The following RARB variants were observed in gnomAD, a reference collection of about 807,000 sequenced individuals.
RARB encodes retinoic acid receptor beta.
A neutral mutation model predicts 51.9 loss-of-function variants in RARB; 17 were observed. That is an observed-to-expected ratio of 0.33 (90% CI 0.22 to 0.49). The LOEUF (loss-of-function observed/expected upper bound fraction) is 0.49, where lower values mean the gene tolerates loss of function less well. Ranked by LOEUF, RARB falls within the 20% of genes least tolerant of loss-of-function variation. The pLI is 0.99. For synonymous variants in RARB, 215 were observed against 195.4 expected (o/e 1.10, Z -0.84); for missense variants, 369 against 550.8 (o/e 0.67, Z 3.30).
intron 2 of RARB, among the ~76,000 whole-genome samples, chr3:25,044,963 C>G (rs1177356318): frequency 6.6e-6 from 1 of 152,142 alleles, no homozygotes; most frequent in Non-Finnish European, 1.5e-5. Flanking sequence ...AATCATGAAC[C>G]TTACAATCAA....
intron 2 of RARB, among the ~76,000 whole-genome samples, chr3:25,027,793 G>A (rs914567347): frequency 2.0e-5 from 3 of 152,112 alleles, no homozygotes; most frequent in Non-Finnish European, 4.4e-5. Context: ...AGACTCAGGC[G>A]GCCCCAGAGG....
At chr3:25,459,490 AGGCGAGTGAAACAGAT>A (rs1695066920) in intron 1 of RARB, among the ~76,000 whole-genome samples, 2 of 152,244 alleles carry the variant, frequency 1.3e-5, no homozygotes, top group African/African-American at 4.8e-5. Context: ...GGCTTTAGAT[AGGCGAGTGAAACAGAT>A]GGATTTTAAC....
intron 2 of RARB, among the ~76,000 whole-genome samples, chr3:24,888,862 T>G (rs1703317229): frequency 6.6e-6 from 1 of 152,196 alleles, no homozygotes; most frequent in African/African-American, 2.4e-5. Flanking sequence ...CAAAGAGATT[T>G]TGCCTCAGGC....
chr3:25,334,081 G>T (rs892673499), intron 5 of RARB, among the ~76,000 whole-genome samples: 1 of 152,168 alleles, frequency 6.6e-6, no homozygotes, highest in East Asian at 1.9e-4. Context: ...CTGTTGGTGG[G>T]ACTGTAAACT....
chr3:25,164,196 A>AGGGGT, intron 4 of RARB, among the ~76,000 whole-genome samples: 1 of 152,298 alleles, frequency 6.6e-6, no homozygotes, highest in East Asian at 1.9e-4. Context: ...AGAAGGTAGT[A>AGGGGT]GGGGTGGGTG....
intron 3 of RARB, among the ~76,000 whole-genome samples, chr3:25,084,716 C>G (rs1699074172): frequency 6.6e-6 from 1 of 150,450 alleles, no homozygotes; most frequent in Non-Finnish European, 1.5e-5. Flanking sequence ...TGCATTTTTC[C>G]TTTTTTATAT....
intron 2 of RARB, among the ~76,000 whole-genome samples, chr3:24,925,636 A>G (rs1695303992): frequency 7.9e-6 from 1 of 126,012 alleles, no homozygotes; most frequent in African/African-American, 3.2e-5. Flanking sequence ...ACAGAGCCAG[A>G]TCCTGTCTTT....
chr3:25,302,827 A>C (rs1704072779), intron 5 of RARB, among the ~76,000 whole-genome samples: 1 of 152,236 alleles, frequency 6.6e-6, no homozygotes, highest in African/African-American at 2.4e-5. Flanking sequence ...ATGGAAATCA[A>C]ACAAGGCCCT....
intron 2 of RARB, among the ~76,000 whole-genome samples, chr3:25,018,195 C>T (rs1346906554): frequency 6.6e-6 from 1 of 152,190 alleles, no homozygotes; most frequent in Non-Finnish European, 1.5e-5. Flanking sequence ...TTACTACAAA[C>T]ACAGATGTGT....
chr3:24,914,967 G>A (rs553774085), intron 2 of RARB, among the ~76,000 whole-genome samples: 2 of 152,242 alleles, frequency 1.3e-5, no homozygotes, highest in South Asian at 4.1e-4. Flanking sequence ...GACTTTGCAG[G>A]ATGGACCCAG....
intron 5 of RARB, among the ~76,000 whole-genome samples, chr3:25,396,249 C>G (rs1707111206): frequency 6.6e-6 from 1 of 152,236 alleles, no homozygotes; most frequent in South Asian, 2.1e-4. Context: ...CCAGCACGTG[C>G]TCTGGTGGAG....
At chr3:24,999,951 C>T (rs1408794035) in intron 2 of RARB, among the ~76,000 whole-genome samples, 1 of 151,190 alleles carries the variant, frequency 6.6e-6, no homozygotes, top group African/African-American at 2.4e-5. Context: ...CACATTAATG[C>T]AAAAAAATAT....
chr3:25,206,016 G>A (rs1262112706), intron 5 of RARB, among the ~76,000 whole-genome samples: 3 of 152,166 alleles, frequency 2.0e-5, no homozygotes, highest in East Asian at 3.9e-4. Context: ...GGTAGACTAG[G>A]CTAAGCTATG....
At chr3:25,243,466 A>T (rs1240189774) in intron 5 of RARB, among the ~76,000 whole-genome samples, 1 of 152,102 alleles carries the variant, frequency 6.6e-6, no homozygotes, top group African/African-American at 2.4e-5. Flanking sequence ...AGCTCTTATT[A>T]TTTTGAGGTA....
chr3:24,878,133 AAT>A (rs1703082367), intron 2 of RARB, among the ~76,000 whole-genome samples: 1 of 152,102 alleles, frequency 6.6e-6, no homozygotes, highest in South Asian at 2.1e-4. Flanking sequence ...TGTCTTAATG[AAT>A]AGTCTTTTAT....
At chr3:25,493,722 C>T (rs1410058810) in intron 2 of RARB, among the ~76,000 whole-genome samples, 1 of 152,202 alleles carries the variant, frequency 6.6e-6, no homozygotes, top group Non-Finnish European at 1.5e-5. Flanking sequence ...GATGTACTTT[C>T]CACACCACTT....
At chr3:25,362,472 G>A (rs919720197) in intron 5 of RARB, among the ~76,000 whole-genome samples, 2 of 152,160 alleles carry the variant, frequency 1.3e-5, no homozygotes, top group African/African-American at 4.8e-5. Flanking sequence ...CCCCTTTCCA[G>A]GGGAGTGAAC....
chr3:24,829,470 C>T (rs1220256755), intron 1 of RARB, among the ~76,000 whole-genome samples: 1 of 152,154 alleles, frequency 6.6e-6, no homozygotes, highest in Non-Finnish European at 1.5e-5. Context: ...CCCTAGCGTC[C>T]CCGGAGCCCC....
At chr3:25,557,289 T>C (rs1455935276) in intron 3 of RARB, among the ~76,000 whole-genome samples, 3 of 152,170 alleles carry the variant, frequency 2.0e-5, no homozygotes, top group East Asian at 1.9e-4. Context: ...ACTGAGTCTA[T>C]TTCACATTAA....
Sources: gnomAD v4.1 joint callset for allele counts (sites outside exome capture counted in the v4.1 genomes callset) on GRCh38, gnomAD v4.1.1 for gene constraint, MANE v1.5 for transcripts, NCBI Gene and HGNC (gene_info 2026-07-23, HGNC 2026-07-21) for gene names.